P2RY6: variants seen among roughly 807,000 people sequenced by gnomAD.
The protein encoded by P2RY6 is pyrimidinergic receptor P2Y6.
In P2RY6, 19 loss-of-function variants were observed where a neutral mutation model predicts 16.3. The ratio of observed to expected loss-of-function variants is 1.16; its 90% CI spans 0.81 to 1.71. The LOEUF is 1.71. P2RY6 is among the 40% of genes most tolerant of loss of function. The pLI, the probability that P2RY6 is intolerant of heterozygous loss-of-function variation, is 0.00. For synonymous variants in P2RY6, 184 were observed against 201.5 expected, an observed-to-expected ratio of 0.91 and a Z score of 0.74; for missense variants, 389 against 455.5, an observed-to-expected ratio of 0.85 and a Z score of 1.33.
chr11:73,272,809 T>G (rs1171853957), intron 1 of P2RY6, among the ~76,000 whole-genome samples: 1 of 152,074 alleles, frequency 6.6e-6, no homozygotes, highest in Non-Finnish European at 1.5e-5. Context: ...GCAAGGGCAC[T>G]TTTCCTCTCT....
chr11:73,296,374 C>T (rs1864481512), intron 2 of P2RY6, 111 bp from the exon 3 acceptor site: 3 of 958,722 alleles, frequency 3.1e-6, no homozygotes, highest in Admixed American at 2.4e-5. Flanking sequence ...GCCGAGTTGA[C>T]AAAGTTAGTG....
intron 1 of P2RY6, among the ~76,000 whole-genome samples, chr11:73,283,864 G>A (rs1390742852): frequency 6.6e-6 from 1 of 152,176 alleles, no homozygotes; most frequent in African/African-American, 2.4e-5. Context: ...GAGGGACTGG[G>A]GAGTGGGAAG....
chr11:73,295,308 C>T (rs750681847), intron 1 of P2RY6, among the ~76,000 whole-genome samples: 2 of 152,182 alleles, frequency 1.3e-5, no homozygotes, highest in African/African-American at 2.4e-5. Context: ...ATGTCATCAC[C>T]GCATATTTCA....
chr11:73,284,131 G>A (rs1031095276), intron 1 of P2RY6, among the ~76,000 whole-genome samples: 6 of 152,104 alleles, frequency 3.9e-5, no homozygotes, highest in Non-Finnish European at 7.4e-5. Context: ...TTAGAAGACA[G>A]AGGAGGGAGG....
chr11:73,279,462 T>C (rs1863671456), intron 1 of P2RY6, among the ~76,000 whole-genome samples: 1 of 152,232 alleles, frequency 6.6e-6, no homozygotes, highest in South Asian at 2.1e-4. Flanking sequence ...GGTTACAAGA[T>C]ACAAATGCAA....
Position 73,297,277 on chromosome 11 carries a change from G to T in P2RY6, c.759G>T (p.Leu253=). The change falls in exon 3 of 3, where the codon CTG becomes CTT. Residue 253 remains leucine (L), a synonymous_variant. Coordinates refer to ENST00000540124, the MANE Select transcript of P2RY6 (RefSeq NM_001277204.2). ...CTGCTGCCTTTGCCATCAGCTTCCT[G>T]CCTTTTCACATCACCAAGACAGCCT... The part of the protein sequence containing the change: ...VVAAAFAISF[L]PFHITKTAYL... 1 of 1,608,306 alleles carries T rather than the reference G, an allele frequency of 6.2e-7. No individual in the cohort carries two copies.
chr11:73,278,061 C>T (rs1271766412), intron 1 of P2RY6, among the ~76,000 whole-genome samples: 2 of 151,992 alleles, frequency 1.3e-5, no homozygotes, highest in Non-Finnish European at 2.9e-5. Flanking sequence ...GATTTTAATC[C>T]TTTTTGATTG....
At chr11:73,271,155 G>A (rs1268430436), upstream of P2RY6, among the ~76,000 whole-genome samples, 26 of 152,112 alleles carry the variant, frequency 1.7e-4, no homozygotes, top group Admixed American at 9.8e-4. Flanking sequence ...TCTTACAGAC[G>A]GGGAGGGCCC....
chr11:73,289,187 A>G (rs1016174225), intron 1 of P2RY6, among the ~76,000 whole-genome samples: 3 of 152,194 alleles, frequency 2.0e-5, no homozygotes, highest in Non-Finnish European at 4.4e-5. Context: ...ATTTCTTCCT[A>G]TGTCCATACT....
chr11:73,272,301 C>T (rs1863346185), upstream of P2RY6: 5 of 981,124 alleles, frequency 5.1e-6, no homozygotes, highest in Non-Finnish European at 6.1e-6. Flanking sequence ...TACTTCCTCT[C>T]CCCAGGTCTC....
chr11:73,276,565 C>T (rs554781220), intron 1 of P2RY6, among the ~76,000 whole-genome samples: 44 of 152,226 alleles, frequency 2.9e-4, no homozygotes, highest in Middle Eastern at 3.4e-3. Context: ...TGCTACAACA[C>T]GGATGAACCC....
At chr11:73,293,748 C>A (rs1864365591) in intron 1 of P2RY6, among the ~76,000 whole-genome samples, 1 of 152,160 alleles carries the variant, frequency 6.6e-6, no homozygotes, top group South Asian at 2.1e-4. Context: ...CTGCCTCCTT[C>A]CAAGAGGGAG....
chr11:73,270,303 C>T (rs1863246906), upstream of P2RY6: 1 of 152,204 alleles, frequency 6.6e-6, no homozygotes, highest in Non-Finnish European at 1.5e-5. Context: ...AAAATGCCTT[C>T]AGCTTCCTGG....
chr11:73,271,473 G>A (rs532279634), upstream of P2RY6: 1 of 152,362 alleles, frequency 6.6e-6, no homozygotes, highest in South Asian at 2.1e-4. Context: ...ACGTGAGAGG[G>A]TCGTGATCAA....
intron 1 of P2RY6, among the ~76,000 whole-genome samples, chr11:73,286,479 T>C (rs1863978510): frequency 6.6e-6 from 1 of 151,652 alleles, no homozygotes; most frequent in South Asian, 2.1e-4. Context: ...AGGTGGGGAC[T>C]GGGGGACCCA....
At chr11:73,286,050 A>C (rs1480005963) in intron 1 of P2RY6, among the ~76,000 whole-genome samples, 1 of 152,188 alleles carries the variant, frequency 6.6e-6, no homozygotes, top group Non-Finnish European at 1.5e-5. Context: ...AGCTCCCTGC[A>C]ATGGGAAGTA....
chr11:73,269,321 C>A (rs1221588023), upstream of P2RY6, among the ~76,000 whole-genome samples: 1 of 152,146 alleles, frequency 6.6e-6, no homozygotes, highest in African/African-American at 2.4e-5. Flanking sequence ...GAGCCTACAC[C>A]CTGGGCTGAG....
At chr11:73,279,809 T>G (rs138957502) in intron 1 of P2RY6, among the ~76,000 whole-genome samples, 15 of 152,272 alleles carry the variant, frequency 9.9e-5, no homozygotes, top group African/African-American at 3.4e-4. Flanking sequence ...TGAAGAAAAT[T>G]GCCACTGAAT....
intron 1 of P2RY6, among the ~76,000 whole-genome samples, chr11:73,276,541 G>T (rs1300222487): frequency 1.3e-5 from 2 of 152,186 alleles, no homozygotes; most frequent in Non-Finnish European, 1.5e-5. Context: ...CCATAAAAAT[G>T]AAATTTTTAT....
Sources: gnomAD v4.1 joint callset for allele counts (sites outside exome capture counted in the v4.1 genomes callset) on GRCh38, gnomAD v4.1.1 for gene constraint, MANE v1.5 for transcripts, NCBI Gene and HGNC (gene_info 2026-07-23, HGNC 2026-07-21) for gene names.